Variants in RBM28 observed in about 807,000 individuals in gnomAD.
RBM28 encodes RNA-binding protein 28.
RBM28 carries 78 observed loss-of-function variants against 98.3 expected under a neutral mutation model. The ratio of observed to expected loss-of-function variants is 0.79; its 90% CI spans 0.66 to 0.96. RBM28 has a LOEUF of 0.96. Among genes scored for constraint, RBM28 ranks in the 40% least tolerant of loss-of-function variants. The pLI, the probability that RBM28 is intolerant of heterozygous loss-of-function variation, is 0.00. For synonymous variants in RBM28, 306 were observed against 330.9 expected, an observed-to-expected ratio of 0.92 and a Z score of 0.82; for missense variants, 838 against 913.0, an observed-to-expected ratio of 0.92 and a Z score of 1.06.
chr7:128,318,454 AAC>A (rs2116333021), intron 14 of RBM28, among the ~76,000 whole-genome samples: 1 of 151,124 alleles, frequency 6.6e-6, no homozygotes, highest in East Asian at 1.9e-4. Context: ...CAGCCTGGGC[AAC>A]AGAGTGAGAC....
intron 13 of RBM28, among the ~76,000 whole-genome samples, chr7:128,323,260 T>G (rs190836156): frequency 2.6e-5 from 4 of 152,232 alleles, no homozygotes; most frequent in African/African-American, 9.6e-5. Flanking sequence ...TGTAGCAGCA[T>G]GTGTTCAGCA....
chr7:128,328,582 G>A lies in RBM28; in HGVS notation c.1129+2237C>T, dbSNP rs118110996. Among the ~76,000 whole-genome samples the A allele has an allele frequency of 2.2e-3, 336 of 152,258 alleles. 7 individuals carry two copies. In the East Asian group the frequency reaches 0.051, roughly 23 times the overall value. ...TGAACTCTGTTAACATTAATAGACC[G>A]CAAGGGATATCTAGTCAGTCAATTG... is the stretch of plus-strand genomic sequence containing the variant. On this transcript the variant is annotated intron_variant, in intron 10 of 18. Transcript: ENST00000223073.
chr7:128,308,974 C>CAAAAAT lies in RBM28; in HGVS notation c.*1822_*1823insATTTTT, dbSNP rs1795920618. ...CCTGGGCAACAGAGCAAGACTGTCT[C>CAAAAAT]AAAAAAAAAAAAAAAAAAGAAATAA... On this transcript the variant is annotated 3_prime_UTR_variant, in exon 19 of 19. Coordinates refer to ENST00000223073, the MANE Select transcript of RBM28 (RefSeq NM_018077.3). 1.4e-5 allele frequency: 1 copy of CAAAAAT among 73,772 alleles called. No individual in the cohort carries two copies. Among genetic ancestry groups the CAAAAAT allele is most frequent in the African/African-American group, 5.8e-5 (1 of 17,314 alleles). The allele number at this position is 73,772 out of a possible 1,614,324, so 4.6% of individuals were successfully genotyped here.
In RBM28 at chr7:128,313,286, T is replaced by G; in HGVS notation, c.2046-12A>C. 6.2e-7 allele frequency: 1 copy of G among 1,610,524 alleles called. No individual in the cohort carries two copies. ...CTTTGTCCCGCAACCTGAAATAACA[T>G]GGCTGAGTGTCACCTTGAGTCCTTC... On this transcript the variant is annotated splice_polypyrimidine_tract_variant and intron_variant, in intron 17 of 18. Transcript: ENST00000223073.
intron 14 of RBM28, among the ~76,000 whole-genome samples, 198 bp from the exon 15 acceptor site, chr7:128,318,304 G>A (rs1336946474): frequency 6.6e-6 from 1 of 151,948 alleles, no homozygotes; most frequent in Non-Finnish European, 1.5e-5. Flanking sequence ...AGGCAACATG[G>A]CAAAACCTTG....
Position 128,317,807 on chromosome 7 carries a change from T to C in RBM28, c.1714-74A>G, listed in dbSNP as rs1023583142. 2.7e-6 allele frequency: 4 copies of C among 1,489,770 alleles called. No individual in the cohort carries two copies. The East Asian group carries it at 9.1e-5, about 34-fold the overall frequency. 92.3% of individuals were successfully genotyped at this position (1,489,770 alleles called of 1,614,324 possible). A position where few individuals can be genotyped will look rare whatever the true frequency, so the allele number is the denominator to read the frequency against. On this transcript the variant is annotated intron_variant, in intron 15 of 18. Coordinates refer to ENST00000223073, the MANE Select transcript of RBM28 (RefSeq NM_018077.3). ...ATGCAATGAGCTGAGTTTTTCCCCT[T>C]CACACATCCTCCCCCAACCCACCTT...
intron 10 of RBM28, among the ~76,000 whole-genome samples, chr7:128,330,394 T>TC (rs1300249115): frequency 1.4e-4 from 21 of 145,418 alleles, no homozygotes; most frequent in African/African-American, 4.8e-4. Flanking sequence ...TTTTTTTTTT[T>TC]CGTGGAAACA....
intron 7 of RBM28, 59 bp from the exon 8 acceptor site, chr7:128,335,738 A>C: frequency 1.9e-6 from 3 of 1,613,816 alleles, no homozygotes; most frequent in Non-Finnish European, 2.5e-6. Flanking sequence ...ATTCAATTTC[A>C]TTACACATGT....
Position 128,302,663 on chromosome 7 carries a change from TAGATC to T in RBM28, c.*8129_*8133del, listed in dbSNP as rs1251341427. 2 of 152,174 alleles carry T rather than the reference TAGATC, an allele frequency of 1.3e-5. No individual in the cohort carries two copies. Among genetic ancestry groups the T allele is most frequent in the African/African-American group, 4.8e-5 (2 of 41,418 alleles). The allele number at this position is 152,174 out of a possible 1,614,324, so 9.4% of individuals were successfully genotyped here. A position where few individuals can be genotyped will look rare whatever the true frequency, so the allele number is the denominator to read the frequency against. On this transcript the variant is annotated 3_prime_UTR_variant, in exon 19 of 19. Transcript: ENST00000223073. Reference sequence around the variant, plus strand: ...GTATATGAGTACATTTGGCTTGTGGTAGATCAGGAGAGAGAAAGAAAGAAAAAACA... The same window carrying T: ...GTATATGAGTACATTTGGCTTGTGGTAGGAGAGAGAAAGAAAGAAAAAACA...
rs1005516681 is a variant in RBM28, at chr7:128,301,646, G to A, written c.*9151C>T. 2.0e-5 allele frequency: 3 copies of A among 152,354 alleles called. No individual in the cohort carries two copies. The highest frequency in any genetic ancestry group is 4.4e-5 in the Non-Finnish European group (3 of 68,140). The allele number at this position is 152,354 out of a possible 1,614,324, so 9.4% of individuals were successfully genotyped here. ...GGACATGATCCCTCATTAAGACCCAGCTATTGCCTAAGGGTCACTGAGGGC... is the reference window on the plus strand; with the variant it reads ...GGACATGATCCCTCATTAAGACCCAACTATTGCCTAAGGGTCACTGAGGGC... On this transcript the variant is annotated 3_prime_UTR_variant, in exon 19 of 19. Transcript: ENST00000223073.
intron 11 of RBM28, 129 bp downstream of exon 11, chr7:128,325,689 C>T: frequency 1.4e-6 from 1 of 711,262 alleles, no homozygotes; most frequent in South Asian, 1.5e-5. Context: ...ACACAAAGTG[C>T]TAAATAAGTG....
rs1301713467 is a variant in RBM28 at position 128,335,577 on chromosome 7, C to G, written c.912G>C (p.Gln304His). 5.0e-6 allele frequency: 8 copies of G among 1,614,202 alleles called. No individual in the cohort carries two copies. The South Asian group carries it at 8.8e-5, about 18-fold the overall frequency. The change falls in exon 8 of 19, where the codon CAG (glutamine) becomes CAC (histidine). Residue 304 changes from glutamine (Q) to histidine (H), a missense_variant. By Grantham distance (24) the Gln-to-His change is conservative. Transcript: ENST00000223073. Reference sequence around the variant, plus strand: ...CTTGCTCCTCAGTGCTGGTATCACTCTGAGCCAGTTCCTCTCCATCATCAA... The same window carrying G: ...CTTGCTCCTCAGTGCTGGTATCACTGTGAGCCAGTTCCTCTCCATCATCAA... ...DSIDDGEELA[Q>H]SDTSTEEQED...
chr7:128,321,552 C>T, intron 13 of RBM28, 128 bp from the exon 14 acceptor site: 3 of 1,145,226 alleles, frequency 2.6e-6, no homozygotes, highest in Admixed American at 1.9e-5. Flanking sequence ...ATGGAAACTG[C>T]CCACACCGCA....
At position 128,343,688 on chromosome 7, in the gene RBM28, C is replaced by T. The variant is rs757898268; in HGVS notation, c.106G>A (p.Val36Met). The change falls in exon 1 of 19, where the codon GTG (valine) becomes ATG (methionine). Residue 36 changes from valine to methionine, a missense_variant. Transcript: ENST00000223073. ...GCCCCGCCCCTACCTTTTTCAGTCACCACGAAGCACTGCTTCACCGGCCCC... is the reference window on the plus strand; with the variant it reads ...GCCCCGCCCCTACCTTTTTCAGTCATCACGAAGCACTGCTTCACCGGCCCC... Reference protein sequence around the residue: ...QVGPVKQCFVVTEKGSKACRG... With the variant: ...QVGPVKQCFVMTEKGSKACRG... The T allele has an allele frequency of 6.2e-7, 1 of 1,608,766 alleles. No homozygotes were observed. The highest frequency in any genetic ancestry group is 1.1e-5 in the South Asian group (1 of 90,328).
intron 1 of RBM28, among the ~76,000 whole-genome samples, chr7:128,342,868 G>A (rs921857101): frequency 6.6e-6 from 1 of 152,012 alleles, no homozygotes; most frequent in African/African-American, 2.4e-5. Flanking sequence ...CTCCGGAGAG[G>A]CATGTGTTCA....
At chr7:128,317,821 C>G (rs1416800704) in intron 15 of RBM28, 88 bp from the exon 16 acceptor site, 1 of 1,507,314 alleles carries the variant, frequency 6.6e-7, no homozygotes, top group East Asian at 2.3e-5. Context: ...ACATCCTCCC[C>G]CAACCCACCT....
chr7:128,334,642 A>G (rs578010964), intron 8 of RBM28, among the ~76,000 whole-genome samples: 29 of 152,320 alleles, frequency 1.9e-4, no homozygotes, highest in Non-Finnish European at 3.4e-4. Flanking sequence ...TCAATAAACA[A>G]GTTGAATTTA....
intron 1 of RBM28, chr7:128,341,035 TGG>T: frequency 2.6e-6 from 2 of 761,268 alleles, no homozygotes; most frequent in African/African-American, 1.8e-5. Flanking sequence ...TTGCCCTTTT[TGG>T]TTTAACATTT....
At chr7:128,341,181 G>A (rs1483579948) in intron 1 of RBM28, 4 of 1,289,536 alleles carry the variant, frequency 3.1e-6, no homozygotes, top group Non-Finnish European at 4.0e-6. Flanking sequence ...TCTCCTTCAG[G>A]GTATAAGCCC....
Sources: allele counts gnomAD v4.1 joint callset (sites outside exome capture counted in the v4.1 genomes callset), GRCh38; gene constraint gnomAD v4.1.1; transcripts MANE v1.5; gene names NCBI Gene and HGNC (gene_info 2026-07-23, HGNC 2026-07-21).